Variants in CCDC14 observed in about 807,000 individuals in gnomAD.
CCDC14 encodes coiled-coil domain containing 14, also known as coiled-coil domain-containing protein 14.
CCDC14 carries 71 observed loss-of-function variants against 81.4 expected under a neutral mutation model. The ratio of observed to expected loss-of-function variants is 0.87; its 90% CI spans 0.72 to 1.06. The LOEUF (loss-of-function observed/expected upper bound fraction) is 1.06. Ranked by LOEUF, CCDC14 falls within the 50% of genes least tolerant of loss-of-function variation. CCDC14 has a pLI of 0.00. For missense variants in CCDC14, 1,046 were observed against 1,047.3 expected (o/e 1.00, Z 0.02); for synonymous variants, 332 against 364.8 (o/e 0.91, Z 1.03).
At chr3:123,910,674 AAGTC>A (rs574989206), downstream of CCDC14, among the ~76,000 whole-genome samples, 10 of 152,168 alleles carry the variant, frequency 6.6e-5, no homozygotes, top group South Asian at 1.9e-3. Flanking sequence ...TTGGTTTCAG[AAGTC>A]AGTAACTGAA....
In CCDC14 at chr3:123,946,998, C is replaced by A; in HGVS notation, c.1006G>T (p.Ala336Ser). 1 of 1,613,892 alleles carries A rather than the reference C, an allele frequency of 6.2e-7. No homozygotes were observed. The change falls in exon 8 of 13, where the codon GCC becomes TCC. Residue 336 changes from alanine (A) to serine (S), a missense_variant. By Grantham distance (99) the Ala-to-Ser change is moderately conservative. Coordinates refer to ENST00000409697, the MANE Select transcript of CCDC14 (RefSeq NM_001366335.1). Reference protein sequence around the residue: ...SPTQSQPAFLATNEEKCAREQ... With the variant: ...SPTQSQPAFLSTNEEKCAREQ... Reference sequence around the variant, plus strand: ...CTGGCACATTTTTCTTCATTAGTGGCCAAGAAAGCTGGTTGTGACTGAGTA... The same window carrying A: ...CTGGCACATTTTTCTTCATTAGTGGACAAGAAAGCTGGTTGTGACTGAGTA...
At chr3:123,924,199 C>T (rs530617286) in intron 12 of CCDC14, among the ~76,000 whole-genome samples, 1 of 152,086 alleles carries the variant, frequency 6.6e-6, no homozygotes, top group South Asian at 2.1e-4. Context: ...GGAAAAGTCT[C>T]TTCAACAAAT....
chr3:123,921,882 T>G (rs1221300701), intron 12 of CCDC14, among the ~76,000 whole-genome samples: 1 of 152,202 alleles, frequency 6.6e-6, no homozygotes, highest in Non-Finnish European at 1.5e-5. Flanking sequence ...ACCAAATAGA[T>G]CTCATAGACA....
At chr3:123,896,459 T>C (rs1248688509), downstream of CCDC14, among the ~76,000 whole-genome samples, 1 of 152,178 alleles carries the variant, frequency 6.6e-6, no homozygotes, top group African/African-American at 2.4e-5. Flanking sequence ...CGGAAAATTA[T>C]TCAACCTCAA....
chr3:123,886,780 T>C, the CCDC14 span, among the ~76,000 whole-genome samples: 1 of 152,206 alleles, frequency 6.6e-6, no homozygotes, highest in South Asian at 2.1e-4. Flanking sequence ...GGTAACTGTT[T>C]CTAGGCCTTT....
At chr3:123,948,335 C>T (rs556726669) in intron 7 of CCDC14, among the ~76,000 whole-genome samples, 249 of 151,688 alleles carry the variant, frequency 1.6e-3, no homozygotes, top group Non-Finnish European at 2.2e-3. Flanking sequence ...TCCTGGGTCC[C>T]GGTTCAAGTA....
At chr3:123,932,863 C>T (rs150206861) in intron 10 of CCDC14, among the ~76,000 whole-genome samples, 9 of 152,144 alleles carry the variant, frequency 5.9e-5, no homozygotes, top group African/African-American at 1.9e-4. Flanking sequence ...CCTTGGGAGG[C>T]CGAGGTGAGT....
chr3:123,960,664 G>T (rs1409407262), intron 1 of CCDC14, among the ~76,000 whole-genome samples: 3 of 152,112 alleles, frequency 2.0e-5, no homozygotes, highest in African/African-American at 7.2e-5. Context: ...TGTTTTAAAG[G>T]GAACTAAATT....
Position 123,933,754 on chromosome 3 carries a change from G to A in CCDC14, c.1345C>T (p.Gln449Ter), listed in dbSNP as rs190122904. Residue 449 changes from glutamine (Q) to a stop codon, truncating the protein, a stop_gained and splice_region_variant, in exon 10 of 13, where the codon CAG (glutamine) becomes TAG (stop). Transcript: ENST00000409697. LOFTEE classifies it high-confidence loss of function. ...LRSENAQLRR[Q>*]LRILNQQLRE... Reference sequence around the variant, plus strand: ...AGTTGCTGGTTCAAAATTCTCAACTGCCTAAAGAAATAATGAAGAACTATG... The same window carrying A: ...AGTTGCTGGTTCAAAATTCTCAACTACCTAAAGAAATAATGAAGAACTATG... 1.9e-6 allele frequency: 3 copies of A among 1,559,546 alleles called. No individual in the cohort carries two copies. In the African/African-American group the frequency reaches 4.1e-5, roughly 21 times the overall value.
chr3:123,893,881 C>T (rs2034025266), downstream of CCDC14, among the ~76,000 whole-genome samples: 1 of 151,990 alleles, frequency 6.6e-6, no homozygotes, highest in South Asian at 2.1e-4. Flanking sequence ...ATTCCTTTTC[C>T]CATTTTAAAA....
At chr3:123,951,016 T>C (rs1189208837) in intron 5 of CCDC14, among the ~76,000 whole-genome samples, 2 of 152,170 alleles carry the variant, frequency 1.3e-5, no homozygotes, top group Non-Finnish European at 1.5e-5. Flanking sequence ...TGCTTCCCTT[T>C]TGACTTGGGG....
Position 123,928,887 on chromosome 3 carries a change from A to G in CCDC14, c.1778+2215T>C, listed in dbSNP as rs547747402. ...ACTAATACTTAATTTGCGTGGCCTC[A>G]GTTTGCCCATCTATGAAAATGCAGA... On this transcript the variant is annotated intron_variant, in intron 12 of 12. Transcript: ENST00000409697. Among the ~76,000 whole-genome samples, 134 of 152,344 alleles carry G rather than the reference A, an allele frequency of 8.8e-4. 1 individual carries two copies. The highest frequency in any genetic ancestry group is 3.1e-3 in the African/African-American group (128 of 41,584).
chr3:123,886,369 T>TTTCTTTCC, the CCDC14 span, among the ~76,000 whole-genome samples: 8 of 146,794 alleles, frequency 5.4e-5, no homozygotes, highest in South Asian at 6.5e-4. Flanking sequence ...TTTTTCTTTC[T>TTTCTTTCC]TTCTTTCCTT....
At position 123,947,018 on chromosome 3, in the gene CCDC14, T is replaced by C; in HGVS notation, c.986A>G (p.Gln329Arg). ...LDSQTHRSPT[Q>R]SQPAFLATNE... is the part of the protein sequence containing the mutation. ...AGTGGCCAAGAAAGCTGGTTGTGAC[T>C]GAGTAGGGCTTCGGTGTGTCTGACT... is the stretch of plus-strand genomic sequence containing the variant. Residue 329 changes from glutamine (Q) to arginine (R), a missense_variant, in exon 8 of 13, where the codon CAG (glutamine) becomes CGG (arginine). Gln to Arg is a conservative substitution (Grantham distance 43). Coordinates refer to ENST00000409697, the MANE Select transcript of CCDC14 (RefSeq NM_001366335.1). The C allele has an allele frequency of 6.2e-7, 1 of 1,614,008 alleles. No individual in the cohort carries two copies. Among genetic ancestry groups the C allele is most frequent in the Non-Finnish European group, 8.5e-7 (1 of 1,179,860 alleles).
Position 123,931,327 on chromosome 3 carries a change from C to T in CCDC14, c.1626G>A (p.Glu542=), listed in dbSNP as rs1001854260. 2 of 1,523,746 alleles carry T rather than the reference C, an allele frequency of 1.3e-6. No homozygotes were observed. Among genetic ancestry groups the T allele is most frequent in the African/African-American group, 2.8e-5 (2 of 72,462 alleles). 94.4% of individuals were successfully genotyped at this position (1,523,746 alleles called of 1,614,324 possible). A position where few individuals can be genotyped will look rare whatever the true frequency, so the allele number is the denominator to read the frequency against. ...ACGTACCAATTTTTATTCTTGTTAT[C>T]TCAATATCATATTGCTGTTTATTTT... is the stretch of plus-strand genomic sequence containing the variant. ...ILENKQQYDI[E]ITRIKIELEE... is the part of the protein sequence containing the mutation. The change falls in exon 11 of 13, where the codon GAG becomes GAA. Residue 542 remains glutamate, a synonymous_variant. Coordinates refer to ENST00000409697, the MANE Select transcript of CCDC14 (RefSeq NM_001366335.1).
chr3:123,902,632 G>A (rs1455917293), intron 5 of CCDC14, among the ~76,000 whole-genome samples: 1 of 152,092 alleles, frequency 6.6e-6, no homozygotes. Flanking sequence ...ATTGTATGGA[G>A]GAAAAAGAAT....
At chr3:123,890,547 G>A in the CCDC14 span, among the ~76,000 whole-genome samples, 26 of 152,282 alleles carry the variant, frequency 1.7e-4, no homozygotes, top group Admixed American at 5.9e-4. Context: ...ATGCAAGTCC[G>A]AAATCCAGCA....
At chr3:123,925,074 ATGAT>A (rs1279135664) in intron 12 of CCDC14, among the ~76,000 whole-genome samples, 12 of 151,992 alleles carry the variant, frequency 7.9e-5, no homozygotes, top group African/African-American at 2.7e-4. Flanking sequence ...CAGTGAATGA[ATGAT>A]TATTTCTTTA....
chr3:123,940,147 A>C (rs2036273039), intron 9 of CCDC14, among the ~76,000 whole-genome samples: 1 of 151,852 alleles, frequency 6.6e-6, no homozygotes, highest in Admixed American at 6.6e-5. Context: ...AGGGAAAAAA[A>C]CCTAAAAGCC....
Sources: allele counts gnomAD v4.1 joint callset (sites outside exome capture counted in the v4.1 genomes callset), GRCh38; gene constraint gnomAD v4.1.1; transcripts MANE v1.5; gene names NCBI Gene and HGNC (gene_info 2026-07-23, HGNC 2026-07-21).